EDRF1: variants seen among roughly 807,000 people sequenced by gnomAD.
EDRF1 encodes the protein erythroid differentiation-related factor 1.
Under a neutral mutation model 148.7 loss-of-function variants are expected in EDRF1, and 69 were observed. The ratio of observed to expected loss-of-function variants is 0.46; its 90% confidence interval spans 0.38 to 0.57. The LOEUF (loss-of-function observed/expected upper bound fraction) is 0.57, where lower values mean the gene tolerates loss of function less well. EDRF1 is among the 20% of genes least tolerant of loss of function. The pLI is 0.00. For synonymous variants in EDRF1, 515 were observed against 532.8 expected (o/e 0.97, Z 0.46); for missense variants, 1,118 against 1,478.7 (o/e 0.76, Z 4.00).
intron 24 of EDRF1, among the ~76,000 whole-genome samples, chr10:125,755,112 C>G (rs1304056877): frequency 2.0e-5 from 3 of 152,202 alleles, no homozygotes; most frequent in African/African-American, 7.2e-5. Flanking sequence ...AGTCTTTTAC[C>G]ATTAAGCCTC....
intron 24 of EDRF1, chr10:125,757,230 T>A (rs968098217): frequency 4.7e-6 from 1 of 211,444 alleles, no homozygotes; most frequent in African/African-American, 2.4e-5. Context: ...TTTATTTCAC[T>A]ATTGATTTAT....
chr10:125,763,464 G>C lies in EDRF1; in HGVS notation c.3709G>C (p.Val1237Leu). ...AAGSAASSNA[V>L]Q Reference sequence around the variant, plus strand: ...CGGCAGTGCAGCGAGCAGCAATGCCGTTCAGTGACTGCACAGAGCCGTGTC... The same window carrying C: ...CGGCAGTGCAGCGAGCAGCAATGCCCTTCAGTGACTGCACAGAGCCGTGTC... Residue 1237 changes from valine to leucine, a missense_variant, in exon 25 of 25, where the codon GTT becomes CTT. Transcript: ENST00000356792. The surrounding 1 kb of genome is among the most constrained non-coding windows in gnomAD (Gnocchi z 4.3). The C allele has an allele frequency of 1.2e-6, 2 of 1,606,898 alleles. No homozygotes were observed. The highest frequency in any genetic ancestry group is 1.7e-6 in the Non-Finnish European group (2 of 1,179,912).
chr10:125,745,538 C>A, intron 18 of EDRF1, 169 bp from the exon 19 acceptor site: 1 of 676,364 alleles, frequency 1.5e-6, no homozygotes. Flanking sequence ...GACACGTTTA[C>A]CTTCATGTAA....
chr10:125,727,017 A>G (rs137969408), intron 6 of EDRF1, among the ~76,000 whole-genome samples: 1 of 138,414 alleles, frequency 7.2e-6, no homozygotes, highest in African/African-American at 2.7e-5. Context: ...CTCTTATGCC[A>G]TGTGTATGTT....
intron 21 of EDRF1, chr10:125,748,261 CTT>C (rs1849467553): frequency 3.6e-6 from 2 of 551,594 alleles, no homozygotes; most frequent in Non-Finnish European, 6.5e-6. Flanking sequence ...CTGCCTGTCA[CTT>C]AACATCGTGT....
chr10:125,744,223 T>C (rs912531794), intron 18 of EDRF1, among the ~76,000 whole-genome samples: 5 of 147,662 alleles, frequency 3.4e-5, no homozygotes, highest in East Asian at 3.9e-4. Context: ...TTGTTTCTTT[T>C]TTTTTTTTTT....
chr10:125,722,528 G>C (rs1458240507), intron 2 of EDRF1, among the ~76,000 whole-genome samples: 1 of 152,134 alleles, frequency 6.6e-6, no homozygotes, highest in South Asian at 2.1e-4. Context: ...TGTGCTTCAG[G>C]TGGTACGTGG....
intron 15 of EDRF1, 73 bp from the exon 16 acceptor site, chr10:125,740,388 CAG>C (rs1200965399): frequency 6.8e-6 from 10 of 1,476,742 alleles, no homozygotes; most frequent in African/African-American, 1.4e-5. Flanking sequence ...CATCAAGAAA[CAG>C]AAAATATTTT....
In EDRF1 at chr10:125,734,006, C is replaced by T. The variant is rs1848606683; in HGVS notation, c.1386-66C>T. 39 of 1,292,414 alleles carry T rather than the reference C, an allele frequency of 3.0e-5. No homozygotes were observed. The South Asian group carries it at 4.5e-4, about 15-fold the overall frequency. The allele number at this position is 1,292,414 out of a possible 1,614,324, so 80.1% of individuals were successfully genotyped here. On this transcript the variant is annotated intron_variant, in intron 11 of 24. Transcript: ENST00000356792. ...TTTGTTGGAAAGAAACAAGAGCACT[C>T]CTAGACTTGAGTCTTGCAGACAACG...
chr10:125,746,579 GTTTTA>G (rs1337245464), intron 19 of EDRF1: 1 of 152,528 alleles, frequency 6.6e-6, no homozygotes, highest in Non-Finnish European at 1.5e-5. Flanking sequence ...TCAAAGTTTA[GTTTTA>G]TTTATTTACT....
intron 8 of EDRF1, among the ~76,000 whole-genome samples, chr10:125,729,939 C>T (rs1020693041): frequency 3.3e-5 from 5 of 152,164 alleles, no homozygotes; most frequent in Admixed American, 1.3e-4. Flanking sequence ...TTGATATTAG[C>T]CAATGTGAAT....
At chr10:125,755,471 G>A (rs2133761051) in intron 24 of EDRF1, among the ~76,000 whole-genome samples, 1 of 152,320 alleles carries the variant, frequency 6.6e-6, no homozygotes, top group East Asian at 1.9e-4. Context: ...CTTATAATGG[G>A]TTTGTGTGGT....
rs531865417 is a variant in EDRF1 at position 125,745,647 on chromosome 10, A to G, written c.2591-60A>G. ...TCCTCCTCTTATCTCATCAAGAGAC[A>G]GTGCTAAGGTTTACACTGATGTCTG... On this transcript the variant is annotated intron_variant, in intron 18 of 24. Transcript: ENST00000356792. 647 of 1,555,704 alleles carry G rather than the reference A, an allele frequency of 4.2e-4. No individual in the cohort carries two copies. In the African/African-American group the frequency reaches 8.3e-3, roughly 20 times the overall value.
In EDRF1 at chr10:125,745,892, C is replaced by G; in HGVS notation, c.2776C>G (p.Arg926Gly). Reference protein sequence around the residue: ...AHCGAGDELKREFSPEEGLYY... With the variant: ...AHCGAGDELKGEFSPEEGLYY... The stretch of plus-strand genomic sequence containing the variant: ...CTGTGGTGCAGGGGATGAACTGAAA[C>G]GTGAATTTTCACCAGAAGAAGGCTT... Residue 926 changes from arginine to glycine, a missense_variant, in exon 19 of 25, where the codon CGT becomes GGT. Around this residue, in one of 3 missense-constraint regions of EDRF1, gnomAD observed 954 missense variants for 1,241.4 expected, o/e 0.77. Transcript: ENST00000356792. The G allele has an allele frequency of 6.2e-7, 1 of 1,614,162 alleles. No homozygotes were observed. The highest frequency in any genetic ancestry group is 8.5e-7 in the Non-Finnish European group (1 of 1,180,028).
intron 14 of EDRF1, 110 bp downstream of exon 14, chr10:125,738,099 T>G (rs1848828444): frequency 7.5e-7 from 1 of 1,334,748 alleles, no homozygotes; most frequent in African/African-American, 1.5e-5. Context: ...TCTGCTGCGA[T>G]TTTTTTTTCC....
chr10:125,730,864 T>C (rs1002703309), intron 9 of EDRF1, among the ~76,000 whole-genome samples: 2 of 152,210 alleles, frequency 1.3e-5, no homozygotes, highest in Admixed American at 6.5e-5. Context: ...TGGGGGAAGC[T>C]AGGCGTGTTG....
chr10:125,745,914 G>T lies in EDRF1; in HGVS notation c.2798G>T (p.Gly933Val). ...AAACGTGAATTTTCACCAGAAGAAG[G>T]CTTGTATTATAATAAGGTAACACAT... ...ELKREFSPEE[G>V]LYYNKAIDYY... The change falls in exon 19 of 25, where the codon GGC becomes GTC. Residue 933 changes from glycine to valine, a missense_variant. Coordinates refer to ENST00000356792, the MANE Select transcript of EDRF1 (RefSeq NM_001202438.2). 6.2e-7 allele frequency: 1 copy of T among 1,614,164 alleles called. No individual in the cohort carries two copies. The highest frequency in any genetic ancestry group is 8.5e-7 in the Non-Finnish European group (1 of 1,180,034).
intron 18 of EDRF1, among the ~76,000 whole-genome samples, chr10:125,743,615 A>G (rs1007284486): frequency 2.6e-5 from 4 of 152,232 alleles, no homozygotes; most frequent in Non-Finnish European, 4.4e-5. Context: ...TAGGAACACA[A>G]AGCCTCAAAA....
chr10:125,723,984 C>T, intron 4 of EDRF1, 48 bp downstream of exon 4: 5 of 1,604,990 alleles, frequency 3.1e-6, no homozygotes, highest in Non-Finnish European at 4.3e-6. Context: ...AGCTTAAGAG[C>T]ACTAGAAATA....
Sources: gnomAD v4.1 joint callset for allele counts (sites outside exome capture counted in the v4.1 genomes callset) on GRCh38, gnomAD v4.1.1 for gene constraint, gnomAD v4.1.1 regional missense constraint, Gnocchi (gnomAD v3.1) non-coding constraint, MANE v1.5 for transcripts, NCBI Gene and HGNC (gene_info 2026-07-23, HGNC 2026-07-21) for gene names.